FNBP1L: variants seen among roughly 807,000 people sequenced by gnomAD.
FNBP1L encodes the protein formin-binding protein 1-like.
In FNBP1L, 36 loss-of-function variants were observed where a neutral mutation model predicts 91.2. The observed-to-expected ratio is 0.39, with a 90% CI of 0.30 to 0.52. The LOEUF is 0.52. Among genes scored for constraint, FNBP1L ranks in the 20% least tolerant of loss-of-function variants. FNBP1L has a pLI of 0.66. For missense variants in FNBP1L, 571 were observed against 732.1 expected (o/e 0.78, Z 2.54); for synonymous variants, 242 against 237.0 (o/e 1.02, Z -0.19).
intron 14 of FNBP1L, among the ~76,000 whole-genome samples, chr1:93,549,076 T>C (rs1672325660): frequency 6.6e-6 from 1 of 152,226 alleles, no homozygotes; most frequent in African/African-American, 2.4e-5. Context: ...TAATTTTTTT[T>C]TAATTCAGGA....
chr1:93,528,295 C>T (rs181776849), intron 5 of FNBP1L, among the ~76,000 whole-genome samples: 1 of 151,980 alleles, frequency 6.6e-6, no homozygotes, highest in Admixed American at 6.5e-5. Context: ...GAAGATTCTA[C>T]CACCCTCCAG....
At position 93,507,146 on chromosome 1, in the gene FNBP1L, CTCTCTT is replaced by C. The variant is rs1553215073; in HGVS notation, c.140+7569_140+7574del. On this transcript the variant is annotated intron_variant, in intron 2 of 16. Transcript: ENST00000271234. ...TCTCTCTCTCTCTCTCTCTCTCTCT[CTCTCTT>C]TCTCTCCGTCCCTCCCTCCCCCACC... Among the ~76,000 whole-genome samples the C allele has an allele frequency of 1.1e-4, 14 of 123,042 alleles. No homozygotes were observed. The East Asian group carries it at 1.3e-3, about 11-fold the overall frequency. 80.7% of individuals were successfully genotyped at this position (123,042 alleles called of 152,430 possible). A position where few individuals can be genotyped will look rare whatever the true frequency, so the allele number is the denominator to read the frequency against.
intron 2 of FNBP1L, among the ~76,000 whole-genome samples, chr1:93,517,204 T>C (rs1671156532): frequency 6.6e-6 from 1 of 152,002 alleles, no homozygotes; most frequent in African/African-American, 2.4e-5. Flanking sequence ...CCACCATGCC[T>C]GGCTAATTTT....
intron 1 of FNBP1L, among the ~76,000 whole-genome samples, chr1:93,457,213 A>G (rs1184008724): frequency 2.0e-5 from 3 of 152,170 alleles, no homozygotes; most frequent in Non-Finnish European, 4.4e-5. Context: ...TTGTATCACC[A>G]TTGATTACTT....
At chr1:93,484,788 C>T (rs1557785740) in intron 1 of FNBP1L, among the ~76,000 whole-genome samples, 1 of 152,136 alleles carries the variant, frequency 6.6e-6, no homozygotes, top group African/African-American at 2.4e-5. Flanking sequence ...TACTGAATGA[C>T]CCTGGGCTCA....
rs1408872138 is a variant in FNBP1L at position 93,546,987 on chromosome 1, T to G, written c.1407+13T>G. ...CCATAAGAATGAGGTAGATTTGTTA[T>G]TCAGCACTTGTCAAGATAAATTATT... On this transcript the variant is annotated intron_variant, in intron 13 of 16. Transcript: ENST00000271234. The G allele has an allele frequency of 6.2e-7, 1 of 1,606,068 alleles. No homozygotes were observed. Among genetic ancestry groups the G allele is most frequent in the South Asian group, 1.1e-5 (1 of 88,572 alleles).
At chr1:93,480,174 C>G (rs1017752864) in intron 1 of FNBP1L, among the ~76,000 whole-genome samples, 10 of 152,168 alleles carry the variant, frequency 6.6e-5, no homozygotes, top group African/African-American at 2.4e-4. Flanking sequence ...ACAAAGCATG[C>G]AGTTCTTCAT....
At chr1:93,480,402 C>T (rs1238637260) in intron 1 of FNBP1L, among the ~76,000 whole-genome samples, 1 of 152,146 alleles carries the variant, frequency 6.6e-6, no homozygotes, top group East Asian at 1.9e-4. Context: ...CTTTTGAGAA[C>T]CCATTCCTCT....
chr1:93,538,800 C>T (rs1180713691), intron 10 of FNBP1L, among the ~76,000 whole-genome samples: 2 of 151,892 alleles, frequency 1.3e-5, no homozygotes, highest in Non-Finnish European at 2.9e-5. Flanking sequence ...CTGTTTTGTG[C>T]GATATTTGCT....
chr1:93,508,340 C>A (rs1000569603), intron 2 of FNBP1L, among the ~76,000 whole-genome samples: 7 of 152,050 alleles, frequency 4.6e-5, no homozygotes, highest in Non-Finnish European at 4.4e-5. Context: ...CAGAGTGAGA[C>A]CCTGTCTCAA....
intron 1 of FNBP1L, among the ~76,000 whole-genome samples, chr1:93,463,534 A>G (rs1364909257): frequency 6.6e-6 from 1 of 152,168 alleles, no homozygotes; most frequent in African/African-American, 2.4e-5. Flanking sequence ...CTGAGTTCTC[A>G]CTGATGCCTC....
At position 93,531,017 on chromosome 1, in the gene FNBP1L, T is replaced by G. The variant is rs1671659274; in HGVS notation, c.639+134T>G. ...TTGGGGTGAGAGATTCCTTTATGAT[T>G]ATAGATTTGAAAACAAGTGTTTTCT... On this transcript the variant is annotated intron_variant, in intron 7 of 16. Coordinates refer to ENST00000271234, the MANE Select transcript of FNBP1L (RefSeq NM_001164473.3). The G allele has an allele frequency of 1.0e-5, 7 of 700,742 alleles. No homozygotes were observed. The South Asian group carries it at 1.5e-4, about 15-fold the overall frequency. 43.4% of individuals were successfully genotyped at this position (700,742 alleles called of 1,614,324 possible). A position where few individuals can be genotyped will look rare whatever the true frequency, so the allele number is the denominator to read the frequency against.
At chr1:93,485,807 C>T (rs769968583) in intron 1 of FNBP1L, among the ~76,000 whole-genome samples, 54 of 152,276 alleles carry the variant, frequency 3.5e-4, no homozygotes, top group Non-Finnish European at 1.2e-4. Flanking sequence ...AACGATTCTC[C>T]TGCCTTAGCC....
Position 93,546,954 on chromosome 1 carries a change from A to T in FNBP1L, c.1387A>T (p.Met463Leu), listed in dbSNP as rs1309330256. The change falls in exon 13 of 17, where the codon ATG (methionine) becomes TTG (leucine). Residue 463 changes from methionine to leucine, a missense_variant. Physicochemically the swap from Met to Leu is conservative, Grantham distance 15. Coordinates refer to ENST00000271234, the MANE Select transcript of FNBP1L (RefSeq NM_001164473.3). Reference sequence around the variant, plus strand: ...CATGAATAACATTGACCGCCTACGAATGGAAATCCATAAGAATGAGGTAGA... The same window carrying T: ...CATGAATAACATTGACCGCCTACGATTGGAAATCCATAAGAATGAGGTAGA... Reference protein sequence around the residue: ...ETMNNIDRLRMEIHKNEAWLS... With the variant: ...ETMNNIDRLRLEIHKNEAWLS... The T allele has an allele frequency of 6.2e-7, 1 of 1,611,914 alleles. No individual in the cohort carries two copies. Among genetic ancestry groups the T allele is most frequent in the Non-Finnish European group, 8.5e-7 (1 of 1,179,116 alleles).
intron 2 of FNBP1L, among the ~76,000 whole-genome samples, chr1:93,503,426 A>G (rs930315137): frequency 6.6e-6 from 1 of 152,218 alleles, no homozygotes; most frequent in Non-Finnish European, 1.5e-5. Context: ...GCCAAATCAT[A>G]TCAACTATAT....
rs1368517675 is a variant in FNBP1L at position 93,547,356 on chromosome 1, T to A, written c.1417T>A (p.Ser473Thr). Residue 473 changes from serine to threonine, a missense_variant, in exon 14 of 17, where the codon TCT becomes ACT. Around this residue, in one of 5 missense-constraint regions of FNBP1L, gnomAD observed 189 missense variants for 219.7 expected, o/e 0.86. Coordinates refer to ENST00000271234, the MANE Select transcript of FNBP1L (RefSeq NM_001164473.3). Reference sequence around the variant, plus strand: ...TATTTTTTTTCCTAAGGCTTGGCTCTCTGAAGTCGAAGGCAAAACAGGTGG... The same window carrying A: ...TATTTTTTTTCCTAAGGCTTGGCTCACTGAAGTCGAAGGCAAAACAGGTGG... The part of the protein sequence containing the change: ...MEIHKNEAWL[S>T]EVEGKTGGRG... 6.4e-7 allele frequency: 1 copy of A among 1,557,650 alleles called. No homozygotes were observed. Among genetic ancestry groups the A allele is most frequent in the Admixed American group, 1.9e-5 (1 of 51,806 alleles).
chr1:93,513,147 A>G (rs1329420422), intron 2 of FNBP1L, among the ~76,000 whole-genome samples: 2 of 152,196 alleles, frequency 1.3e-5, no homozygotes, highest in Non-Finnish European at 2.9e-5. Flanking sequence ...ATACCTCTAC[A>G]CAAATAAACT....
At chr1:93,477,308 A>G (rs1000844560) in intron 1 of FNBP1L, among the ~76,000 whole-genome samples, 5 of 152,216 alleles carry the variant, frequency 3.3e-5, no homozygotes, top group African/African-American at 1.2e-4. Context: ...CGAATGAATG[A>G]GCTGAGACAC....
chr1:93,490,583 A>G (rs1243444353), intron 1 of FNBP1L, among the ~76,000 whole-genome samples: 3 of 152,126 alleles, frequency 2.0e-5, no homozygotes, highest in Non-Finnish European at 4.4e-5. Flanking sequence ...AGGAAGTTGA[A>G]CTCTGAGTAA....
Sources: gnomAD v4.1 joint callset for allele counts (sites outside exome capture counted in the v4.1 genomes callset) on GRCh38, gnomAD v4.1.1 for gene constraint, gnomAD v4.1.1 regional missense constraint, MANE v1.5 for transcripts, NCBI Gene and HGNC (gene_info 2026-07-23, HGNC 2026-07-21) for gene names.